WIPI1: variants seen among roughly 807,000 people sequenced by gnomAD.
WIPI1 encodes WD repeat domain, phosphoinositide interacting 1.
A neutral mutation model predicts 55.3 loss-of-function variants in WIPI1; 45 were observed. The ratio of observed to expected loss-of-function variants is 0.81; its 90% CI spans 0.64 to 1.04. The LOEUF (loss-of-function observed/expected upper bound fraction) is 1.04, where lower values mean the gene tolerates loss of function less well. WIPI1 is among the 50% of genes least tolerant of loss of function. The pLI is 0.00. For synonymous variants in WIPI1, 195 were observed against 217.6 expected, an observed-to-expected ratio of 0.90 and a Z score of 0.92; for missense variants, 445 against 559.0, an observed-to-expected ratio of 0.80 and a Z score of 2.06.
intron 4 of WIPI1, among the ~76,000 whole-genome samples, chr17:68,442,668 T>G (rs1248692682): frequency 6.6e-6 from 1 of 152,072 alleles, no homozygotes; most frequent in Non-Finnish European, 1.5e-5. Context: ...CCCAAATCCC[T>G]GAAGGCCCAG....
chr17:68,437,576 G>A (rs989368597), intron 4 of WIPI1, among the ~76,000 whole-genome samples: 8 of 151,780 alleles, frequency 5.3e-5, no homozygotes, highest in African/African-American at 1.9e-4. Flanking sequence ...AAGAAACCGA[G>A]CAATTTCTGA....
At chr17:68,448,787 CTT>C (rs1032693999) in intron 3 of WIPI1, among the ~76,000 whole-genome samples, 2 of 152,222 alleles carry the variant, frequency 1.3e-5, no homozygotes, top group African/African-American at 4.8e-5. Context: ...AGCAGCGAAA[CTT>C]AATCTGCTAC....
chr17:68,441,693 G>A (rs1480441060), intron 4 of WIPI1, among the ~76,000 whole-genome samples: 5 of 152,272 alleles, frequency 3.3e-5, no homozygotes, highest in African/African-American at 7.2e-5. Context: ...TGGACAGGGC[G>A]GACCCACCTT....
chr17:68,426,556 A>G (rs181192691), intron 11 of WIPI1, among the ~76,000 whole-genome samples: 346 of 152,292 alleles, frequency 2.3e-3, no homozygotes, highest in African/African-American at 8.3e-3. Context: ...TTTTTGAAAC[A>G]GAGTCTCACT....
intron 1 of WIPI1, 33 bp downstream of exon 1, chr17:68,457,309 C>T: frequency 6.5e-7 from 1 of 1,538,722 alleles, no homozygotes; most frequent in Non-Finnish European, 8.8e-7. Flanking sequence ...CTCTGTCCCC[C>T]ACCTCCCTGG....
chr17:68,437,010 A>ATGTGTGTGTG (rs758693659), intron 4 of WIPI1, among the ~76,000 whole-genome samples: 3,582 of 77,848 alleles, frequency 0.046, 63 homozygotes, highest in Non-Finnish European at 0.054. Context: ...AAAAAAATAT[A>ATGTGTGTGTG]TATATATGTG....
intron 8 of WIPI1, among the ~76,000 whole-genome samples, chr17:68,432,611 C>T (rs1047868913): frequency 6.6e-6 from 1 of 152,068 alleles, no homozygotes; most frequent in African/African-American, 2.4e-5. Flanking sequence ...GATAAGGTGC[C>T]CGGCCTCTGT....
rs199649033 is a variant in WIPI1 at position 68,437,948 on chromosome 17, T to TAAAAAAA, written c.431-1476_431-1470dup. On this transcript the variant is annotated intron_variant, in intron 4 of 12. Transcript: ENST00000262139. ...GATCACGCAAGAGAGACATCTCTCT[T>TAAAAAAA]AAAAAAAAAAAAAAAAAAAAAAAAA... 1.8e-3 allele frequency among the ~76,000 whole-genome samples: 144 copies of TAAAAAAA among 78,780 alleles called. 6 individuals carry two copies. Among genetic ancestry groups the TAAAAAAA allele is most frequent in the African/African-American group, 6.4e-3 (135 of 21,026 alleles). The allele number at this position is 78,780 out of a possible 152,430, so 51.7% of individuals were successfully genotyped here. A position where few individuals can be genotyped will look rare whatever the true frequency, so the allele number is the denominator to read the frequency against.
rs557825354 is a variant in WIPI1, at chr17:68,434,489, C to G, written c.692+67G>C. The G allele has an allele frequency of 2.6e-4, 412 of 1,562,156 alleles. 1 individual carries two copies. The highest frequency in any genetic ancestry group is 3.4e-4 in the Non-Finnish European group (390 of 1,140,318). ...AGCCACTCTCTGTCCTCTCCCTAGACAGCTGCCAGCGGTCCCTGCGGGACT... is the reference window on the plus strand; with the variant it reads ...AGCCACTCTCTGTCCTCTCCCTAGAGAGCTGCCAGCGGTCCCTGCGGGACT... On this transcript the variant is annotated intron_variant, in intron 7 of 12. Transcript: ENST00000262139.
intron 2 of WIPI1, among the ~76,000 whole-genome samples, chr17:68,451,309 C>A (rs1288830143): frequency 6.6e-6 from 1 of 152,128 alleles, no homozygotes; most frequent in Non-Finnish European, 1.5e-5. Flanking sequence ...TGGTGCACAC[C>A]TGTAATCTCA....
Position 68,426,253 on chromosome 17 carries a change from G to GGGGGGT in WIPI1, c.1193-79_1193-78insACCCCC. 6 of 841,006 alleles carry GGGGGGT rather than the reference G, an allele frequency of 7.1e-6. 1 individual carries two copies. Among genetic ancestry groups the GGGGGGT allele is most frequent in the South Asian group, 4.0e-5 (3 of 75,584 alleles). The allele number at this position is 841,006 out of a possible 1,614,324, so 52.1% of individuals were successfully genotyped here. On this transcript the variant is annotated intron_variant, in intron 11 of 12. Transcript: ENST00000262139. ...CATGACCTGGCGGGTGGGGAGCGGG[G>GGGGGGT]GCTCAAATAAAGGGCAAAGGAAGCA... is the stretch of plus-strand genomic sequence containing the variant.
At chr17:68,454,504 G>A (rs1006036294) in intron 1 of WIPI1, among the ~76,000 whole-genome samples, 1 of 152,168 alleles carries the variant, frequency 6.6e-6, no homozygotes, top group African/African-American at 2.4e-5. Flanking sequence ...GGTAGCTGGT[G>A]ACGTCTCGCA....
intron 1 of WIPI1, among the ~76,000 whole-genome samples, chr17:68,453,604 G>A (rs956774937): frequency 9.3e-5 from 14 of 150,272 alleles, no homozygotes; most frequent in African/African-American, 3.2e-4. Flanking sequence ...TCAGCCTCCC[G>A]AGCAGTGAGG....
chr17:68,421,923 G>C (rs2082807171), intron 12 of WIPI1, 103 bp from the exon 13 acceptor site: 1 of 1,466,690 alleles, frequency 6.8e-7, no homozygotes, highest in Non-Finnish European at 9.5e-7. Flanking sequence ...GCAGGGAGAG[G>C]CTGGGCACTG....
intron 3 of WIPI1, among the ~76,000 whole-genome samples, chr17:68,445,398 C>T (rs1187974562): frequency 6.6e-6 from 1 of 152,148 alleles, no homozygotes; most frequent in African/African-American, 2.4e-5. Context: ...AGGTTTTACC[C>T]CTCTCTGAAT....
At chr17:68,421,925 TG>T in intron 12 of WIPI1, 105 bp from the exon 13 acceptor site, 1 of 1,455,300 alleles carries the variant, frequency 6.9e-7, no homozygotes, top group Middle Eastern at 1.7e-4. Context: ...AGGGAGAGGC[TG>T]GGCACTGTGG....
At chr17:68,456,131 A>C (rs1467597155) in intron 1 of WIPI1, among the ~76,000 whole-genome samples, 2 of 152,248 alleles carry the variant, frequency 1.3e-5, no homozygotes, top group Non-Finnish European at 2.9e-5. Context: ...GTTGCAATAC[A>C]TATTTCGTAT....
intron 1 of WIPI1, among the ~76,000 whole-genome samples, chr17:68,454,042 C>G (rs556673734): frequency 2.0e-5 from 3 of 152,318 alleles, no homozygotes; most frequent in African/African-American, 7.2e-5. Context: ...AAACATTTAT[C>G]TAGGACAATC....
At chr17:68,438,428 G>T (rs2083927304) in intron 4 of WIPI1, among the ~76,000 whole-genome samples, 1 of 152,340 alleles carries the variant, frequency 6.6e-6, no homozygotes, top group East Asian at 1.9e-4. Flanking sequence ...TTGTGAAACT[G>T]GGGAGGGAAG....
Sources: gnomAD v4.1 joint callset for allele counts (sites outside exome capture counted in the v4.1 genomes callset) on GRCh38, gnomAD v4.1.1 for gene constraint, MANE v1.5 for transcripts, NCBI Gene and HGNC (gene_info 2026-07-23, HGNC 2026-07-21) for gene names.